The following CPNE4 variants were observed in gnomAD, a reference collection of about 807,000 sequenced individuals.
The protein encoded by CPNE4 is copine 4, also known as copine-4.
A neutral mutation model predicts 67.9 loss-of-function variants in CPNE4; 25 were observed. The observed-to-expected ratio is 0.37, with a 90% CI of 0.27 to 0.51. The LOEUF (loss-of-function observed/expected upper bound fraction) is 0.51, where lower values mean the gene tolerates loss of function less well. CPNE4 is among the 20% of genes least tolerant of loss of function. The pLI is 0.93. For missense variants in CPNE4, 464 were observed against 690.8 expected (o/e 0.67, Z 3.68); for synonymous variants, 242 against 244.9 (o/e 0.99, Z 0.11).
At chr3:131,790,044 G>A (rs888206699) in intron 2 of CPNE4, among the ~76,000 whole-genome samples, 1 of 152,106 alleles carries the variant, frequency 6.6e-6, no homozygotes, top group African/African-American at 2.4e-5. Flanking sequence ...AGAAATAGGA[G>A]AGGAAATCAA....
At chr3:132,034,029 C>CTAATGAA (rs2074296781) in intron 1 of CPNE4, among the ~76,000 whole-genome samples, 1 of 151,980 alleles carries the variant, frequency 6.6e-6, no homozygotes, top group Non-Finnish European at 1.5e-5. Flanking sequence ...GTTTTTAACA[C>CTAATGAA]TGAGAAGAGG....
At chr3:131,768,318 A>T (rs1376224159) in intron 2 of CPNE4, among the ~76,000 whole-genome samples, 2 of 152,146 alleles carry the variant, frequency 1.3e-5, no homozygotes, top group African/African-American at 4.8e-5. Flanking sequence ...CCACTCGACA[A>T]GCTAAACTGC....
intron 5 of CPNE4, among the ~76,000 whole-genome samples, chr3:131,686,567 A>T (rs1050792401): frequency 6.6e-6 from 1 of 152,212 alleles, no homozygotes; most frequent in Non-Finnish European, 1.5e-5. Flanking sequence ...TATTTAGAGG[A>T]TGAATTTCTT....
At chr3:131,552,172 G>A (rs1276647624) in intron 13 of CPNE4, among the ~76,000 whole-genome samples, 2 of 150,824 alleles carry the variant, frequency 1.3e-5, no homozygotes, top group Non-Finnish European at 3.0e-5. Context: ...TTATTATTAT[G>A]GCCCAAGGAA....
chr3:131,960,010 A>G (rs1020800009), intron 1 of CPNE4, among the ~76,000 whole-genome samples: 1 of 152,162 alleles, frequency 6.6e-6, no homozygotes, highest in Non-Finnish European at 1.5e-5. Flanking sequence ...AATGATGGAA[A>G]TAGCCTTGAA....
At chr3:131,976,215 G>C (rs78021816) in intron 1 of CPNE4, among the ~76,000 whole-genome samples, 92 of 151,882 alleles carry the variant, frequency 6.1e-4, no homozygotes, top group Non-Finnish European at 1.1e-3. Context: ...AAGAAGGCTA[G>C]GGTCAGAAGC....
intron 1 of CPNE4, among the ~76,000 whole-genome samples, chr3:131,950,279 G>C (rs1328088278): frequency 6.6e-6 from 1 of 152,186 alleles, no homozygotes; most frequent in African/African-American, 2.4e-5. Flanking sequence ...TGTAACTCAT[G>C]CTTGCATGAA....
intron 2 of CPNE4, among the ~76,000 whole-genome samples, chr3:131,870,110 C>T (rs4854843): frequency 0.32 from 49,025 of 151,684 alleles, 8,397 homozygotes; most frequent in African/African-American, 0.43. Context: ...AAAGAGGGAC[C>T]TCAGAAGAAC....
intron 7 of CPNE4, among the ~76,000 whole-genome samples, chr3:131,595,262 A>G (rs1938775729): frequency 6.6e-6 from 1 of 152,166 alleles, no homozygotes; most frequent in Non-Finnish European, 1.5e-5. Context: ...GGATGTCTGC[A>G]CTCTCAGGTT....
At chr3:131,885,856 A>T (rs2087863959) in intron 2 of CPNE4, among the ~76,000 whole-genome samples, 1 of 152,244 alleles carries the variant, frequency 6.6e-6, no homozygotes, top group South Asian at 2.1e-4. Context: ...TCTAAGCAGC[A>T]AAGCATTCAA....
intron 2 of CPNE4, among the ~76,000 whole-genome samples, chr3:131,872,704 C>T (rs534267330): frequency 1.3e-5 from 2 of 152,336 alleles, no homozygotes; most frequent in East Asian, 3.9e-4. Flanking sequence ...CTGGTTCTCT[C>T]TGTCTCTCTC....
chr3:131,703,845 G>A (rs1179172809), intron 3 of CPNE4, among the ~76,000 whole-genome samples: 1 of 152,168 alleles, frequency 6.6e-6, no homozygotes, highest in Non-Finnish European at 1.5e-5. Flanking sequence ...ATCTTACAAT[G>A]TAGTGAAATC....
At chr3:131,743,976 A>AAAC (rs1645903998) in intron 2 of CPNE4, among the ~76,000 whole-genome samples, 1 of 148,760 alleles carries the variant, frequency 6.7e-6, no homozygotes, top group Non-Finnish European at 1.5e-5. Flanking sequence ...AAAAAAAAAA[A>AAAC]AAAAAAAACA....
intron 2 of CPNE4, among the ~76,000 whole-genome samples, chr3:131,871,667 A>G (rs144867796): frequency 1.3e-5 from 2 of 152,326 alleles, no homozygotes; most frequent in Non-Finnish European, 2.9e-5. Flanking sequence ...AGTCTGACCG[A>G]TACCAACTTC....
At chr3:131,883,286 T>TTCACCCAATTG (rs2087752689) in intron 2 of CPNE4, among the ~76,000 whole-genome samples, 1 of 152,210 alleles carries the variant, frequency 6.6e-6, no homozygotes, top group South Asian at 2.1e-4. Flanking sequence ...CCCATCATCA[T>TTCACCCAATTG]TCACCCAATT....
At chr3:131,668,203 C>A (rs1391012450) in intron 7 of CPNE4, among the ~76,000 whole-genome samples, 1 of 152,162 alleles carries the variant, frequency 6.6e-6, no homozygotes, top group African/African-American at 2.4e-5. Flanking sequence ...TAAGCAAAGA[C>A]ATATAAAGCA....
At chr3:131,773,803 C>T (rs984045911) in intron 2 of CPNE4, among the ~76,000 whole-genome samples, 2 of 152,098 alleles carry the variant, frequency 1.3e-5, no homozygotes, top group African/African-American at 4.8e-5. Context: ...TTTTTAATAA[C>T]TGTGAAATCT....
At position 132,034,366 on chromosome 3, in the gene CPNE4, A is replaced by G. The variant is rs182486852; in HGVS notation, c.-2+201T>C. Among the ~76,000 whole-genome samples the G allele has an allele frequency of 1.3e-3, 193 of 152,256 alleles. 3 individuals carry two copies. The highest frequency in any genetic ancestry group is 2.7e-3 in the East Asian group (14 of 5,172). ...CGAGTTGGGTGGATGTCAGAAGGCG[A>G]GAGGTAGGGGATGGAAGTCCCTTCA... is the stretch of plus-strand genomic sequence containing the variant. On this transcript the variant is annotated intron_variant, in intron 1 of 15. Coordinates refer to ENST00000429747, the MANE Select transcript of CPNE4 (RefSeq NM_130808.3).
intron 2 of CPNE4, among the ~76,000 whole-genome samples, chr3:131,752,054 T>TG (rs896382269): frequency 1.3e-5 from 2 of 152,016 alleles, no homozygotes; most frequent in African/African-American, 4.8e-5. Flanking sequence ...CCCAGCGACG[T>TG]GGGGGAAGGA....
Sources: gnomAD v4.1 joint callset for allele counts (sites outside exome capture counted in the v4.1 genomes callset) on GRCh38, gnomAD v4.1.1 for gene constraint, MANE v1.5 for transcripts, NCBI Gene and HGNC (gene_info 2026-07-23, HGNC 2026-07-21) for gene names.